SNX7: variants seen among roughly 807,000 people sequenced by gnomAD.
SNX7 encodes sorting nexin-7.
In SNX7, 35 loss-of-function variants were observed where a neutral mutation model predicts 48.4. The ratio of observed to expected loss-of-function variants is 0.72; its 90% CI spans 0.55 to 0.96. The LOEUF (loss-of-function observed/expected upper bound fraction) is 0.96, where lower values mean the gene tolerates loss of function less well. Among genes scored for constraint, SNX7 ranks in the 40% least tolerant of loss-of-function variants. SNX7 has a pLI of 0.00. For missense variants in SNX7, 553 were observed against 548.9 expected, an observed-to-expected ratio of 1.01 and a Z score of -0.07; for synonymous variants, 190 against 190.2, an observed-to-expected ratio of 1.00 and a Z score of 0.01.
At chr1:98,742,556 C>A (rs1022883705) in intron 8 of SNX7, among the ~76,000 whole-genome samples, 7 of 151,930 alleles carry the variant, frequency 4.6e-5, no homozygotes, top group African/African-American at 1.4e-4. Flanking sequence ...TAGTTCATTC[C>A]TTTGAATAGT....
At chr1:98,726,236 C>A (rs1245595729) in intron 7 of SNX7, among the ~76,000 whole-genome samples, 4 of 152,076 alleles carry the variant, frequency 2.6e-5, no homozygotes, top group Non-Finnish European at 5.9e-5. Context: ...AAATGTGTGT[C>A]TTTGTAAATT....
chr1:98,696,994 T>G (rs1651491632), intron 5 of SNX7, among the ~76,000 whole-genome samples: 1 of 152,106 alleles, frequency 6.6e-6, no homozygotes. Flanking sequence ...GCATACAGAT[T>G]GATTTGAGTG....
chr1:98,747,505 A>C (rs1050823530), intron 8 of SNX7, among the ~76,000 whole-genome samples: 4 of 152,174 alleles, frequency 2.6e-5, no homozygotes, highest in African/African-American at 7.2e-5. Flanking sequence ...ATTACAGACT[A>C]GTCATGGCCA....
At position 98,691,594 on chromosome 1, in the gene SNX7, T is replaced by G. The variant is rs1197109485; in HGVS notation, c.534T>G (p.Ile178Met). The G allele has an allele frequency of 6.2e-7, 1 of 1,611,188 alleles. No homozygotes were observed. Among genetic ancestry groups the G allele is most frequent in the Middle Eastern group, 1.7e-4 (1 of 6,052 alleles). The change falls in exon 4 of 9, where the codon ATT becomes ATG. Residue 178 changes from isoleucine to methionine, a missense_variant. Coordinates refer to ENST00000306121, the MANE Select transcript of SNX7 (RefSeq NM_015976.5). Reference sequence around the variant, plus strand: ...TGGAACGCTTTAACGATGACTTCATTGAGACACGCAGGAAGGCTTTACATA... The same window carrying G: ...TGGAACGCTTTAACGATGACTTCATGGAGACACGCAGGAAGGCTTTACATA... ...GMVERFNDDF[I>M]ETRRKALHKF...
At chr1:98,740,205 A>AT (rs1654001162) in intron 8 of SNX7, among the ~76,000 whole-genome samples, 1 of 152,196 alleles carries the variant, frequency 6.6e-6, no homozygotes. Flanking sequence ...TAAATCTCAG[A>AT]TTTTGAATGA....
chr1:98,730,290 CA>C (rs1297740482), intron 7 of SNX7, among the ~76,000 whole-genome samples: 1 of 152,012 alleles, frequency 6.6e-6, no homozygotes, highest in Non-Finnish European at 1.5e-5. Context: ...ATGACAAACC[CA>C]CAGCCATATC....
intron 7 of SNX7, among the ~76,000 whole-genome samples, chr1:98,714,771 G>C (rs146264382): frequency 6.6e-6 from 1 of 152,136 alleles, no homozygotes; most frequent in Non-Finnish European, 1.5e-5. Context: ...GGACAGAGGC[G>C]CAGCACTATG....
At chr1:98,671,763 G>A (rs1048308695) in intron 1 of SNX7, among the ~76,000 whole-genome samples, 3 of 151,818 alleles carry the variant, frequency 2.0e-5, no homozygotes, top group Non-Finnish European at 2.9e-5. Context: ...GTCTTTTTAG[G>A]TAATTTCAAA....
At chr1:98,672,930 C>CAAAAAAAAAAA (rs57705068) in intron 1 of SNX7, among the ~76,000 whole-genome samples, 3 of 88,518 alleles carry the variant, frequency 3.4e-5, no homozygotes, top group Admixed American at 1.4e-4. Flanking sequence ...GACTCCGTCT[C>CAAAAAAAAAAA]AAAAAAAAAA....
At chr1:98,672,225 C>T (rs900809628) in intron 1 of SNX7, among the ~76,000 whole-genome samples, 8 of 152,000 alleles carry the variant, frequency 5.3e-5, no homozygotes, top group Admixed American at 4.6e-4. Flanking sequence ...ATTCTGCTCT[C>T]GGCTTTGACT....
chr1:98,735,754 A>AT (rs1455242775), intron 7 of SNX7, among the ~76,000 whole-genome samples: 1 of 152,122 alleles, frequency 6.6e-6, no homozygotes, highest in African/African-American at 2.4e-5. Flanking sequence ...GTATGTTATT[A>AT]TTTTACCTTT....
At chr1:98,708,815 T>C (rs1303495694) in intron 7 of SNX7, among the ~76,000 whole-genome samples, 1 of 152,218 alleles carries the variant, frequency 6.6e-6, no homozygotes, top group Non-Finnish European at 1.5e-5. Flanking sequence ...TAATAATGAA[T>C]ATTTGATTAA....
chr1:98,691,813 A>G (rs1651144029), intron 4 of SNX7, 114 bp downstream of exon 4: 2 of 872,700 alleles, frequency 2.3e-6, no homozygotes, highest in Non-Finnish European at 1.6e-6. Flanking sequence ...TTGAATTGAG[A>G]TGGAATTTTT....
intron 4 of SNX7, among the ~76,000 whole-genome samples, chr1:98,692,173 C>T (rs1170469370): frequency 1.3e-5 from 2 of 152,016 alleles, no homozygotes; most frequent in African/African-American, 4.8e-5. Context: ...GAAGCCTTAA[C>T]TGTAACATAA....
At chr1:98,728,046 G>A (rs1653283438) in intron 7 of SNX7, among the ~76,000 whole-genome samples, 1 of 152,104 alleles carries the variant, frequency 6.6e-6, no homozygotes, top group Non-Finnish European at 1.5e-5. Flanking sequence ...ATCCCAGTAA[G>A]ATATTCCATG....
chr1:98,684,496 G>A (rs531126672), intron 1 of SNX7, among the ~76,000 whole-genome samples: 3 of 152,060 alleles, frequency 2.0e-5, no homozygotes, highest in South Asian at 2.1e-4. Flanking sequence ...GCACTAGCTC[G>A]TTCCCTACAG....
At chr1:98,749,218 C>G (rs1654459437) in intron 8 of SNX7, among the ~76,000 whole-genome samples, 1 of 151,992 alleles carries the variant, frequency 6.6e-6, no homozygotes, top group Non-Finnish European at 1.5e-5. Context: ...CCCCAATTTC[C>G]CCATGTATAA....
At chr1:98,704,253 T>A (rs1651905511) in intron 7 of SNX7, among the ~76,000 whole-genome samples, 1 of 152,208 alleles carries the variant, frequency 6.6e-6, no homozygotes. Context: ...ATTGTAAGAC[T>A]GGAAAAATTT....
chr1:98,692,769 C>T (rs895382980), intron 4 of SNX7, among the ~76,000 whole-genome samples: 6 of 152,184 alleles, frequency 3.9e-5, no homozygotes, highest in African/African-American at 1.4e-4. Flanking sequence ...TGATTTAATA[C>T]TGCATCTTTA....
Sources: allele counts gnomAD v4.1 joint callset (sites outside exome capture counted in the v4.1 genomes callset), GRCh38; gene constraint gnomAD v4.1.1; transcripts MANE v1.5; gene names NCBI Gene and HGNC (gene_info 2026-07-23, HGNC 2026-07-21).